The following NBPF14 variants were observed in gnomAD, a reference collection of about 807,000 sequenced individuals.
NBPF14 encodes NBPF family member NBPF14.
A neutral mutation model predicts 91.2 loss-of-function variants in NBPF14; 104 were observed. The observed-to-expected ratio is 1.14, with a 90% confidence interval of 0.97 to 1.34. NBPF14 has a LOEUF of 1.34. Among genes scored for constraint, NBPF14 ranks in the 40% most tolerant of loss-of-function variants. The probability of loss-of-function intolerance (pLI) is 0.00; values close to 1 mark genes in which losing one functional copy is unlikely to be tolerated. For synonymous variants in NBPF14, 294 were observed against 303.8 expected, an observed-to-expected ratio of 0.97 and a Z score of 0.34; for missense variants, 908 against 783.0, an observed-to-expected ratio of 1.16 and a Z score of -1.91.
chr1:148,577,594 C>A (rs1364504463), intron 14 of NBPF14, among the ~76,000 whole-genome samples: 3 of 148,150 alleles, frequency 2.0e-5, no homozygotes, highest in Non-Finnish European at 4.4e-5. Flanking sequence ...ACACACAGAG[C>A]GAGGTCAGTC....
chr1:148,581,861 TA>T lies in NBPF14; in HGVS notation c.1637+1279del, dbSNP rs1323423528. Among the ~76,000 whole-genome samples the T allele has an allele frequency of 7.3e-4, 102 of 140,244 alleles. 1 individual carries two copies. The East Asian group carries it at 0.019, about 26-fold the overall frequency. 92.0% of individuals were successfully genotyped at this position (140,244 alleles called of 152,430 possible). ...ATGTAAATGGGCTAAATGCCCCAGT[TA>T]AAAAACACAGAATGGCAAATTGGAT... is the stretch of plus-strand genomic sequence containing the variant. On this transcript the variant is annotated intron_variant, in intron 12 of 70. Transcript: ENST00000619423.
chr1:148,587,345 C>T (rs1352737803), exon 8 of NBPF14: 1 of 1,583,112 alleles, frequency 6.3e-7, no homozygotes, highest in South Asian at 1.1e-5. Context: ...GCTTCTCCTC[C>T]TTGAACTGTC....
intron 28 of NBPF14, 83 bp from the exon 29 acceptor site, chr1:148,566,398 G>C (rs1392435206): frequency 3.6e-5 from 23 of 640,660 alleles, no homozygotes; most frequent in Admixed American, 2.5e-4. Flanking sequence ...GGGTAGCATA[G>C]GGAAGTGGTT....
At chr1:148,559,626 G>A (rs1185552714) in intron 37 of NBPF14, among the ~76,000 whole-genome samples, 167 bp downstream of exon 37, 1 of 125,148 alleles carries the variant, frequency 8.0e-6, no homozygotes, top group East Asian at 2.4e-4. Context: ...CCCATCCCTT[G>A]TCTGGGCTTC....
In NBPF14 at chr1:148,572,686, A is replaced by G. The variant is rs1269165789; in HGVS notation, c.2586-71T>C. 5.6e-4 allele frequency: 382 copies of G among 684,980 alleles called. 67 individuals carry two copies. In the East Asian group the frequency reaches 9.7e-3, roughly 17 times the overall value. The allele number at this position is 684,980 out of a possible 1,614,324, so 42.4% of individuals were successfully genotyped here. A position where few individuals can be genotyped will look rare whatever the true frequency, so the allele number is the denominator to read the frequency against. On this transcript the variant is annotated intron_variant, in intron 20 of 70. Transcript: ENST00000619423. ...AACCACACAGCCCCAGCTAGATTTCATGGCTAACGTAAGGAAGAGTTTGAA... is the reference window on the plus strand; with the variant it reads ...AACCACACAGCCCCAGCTAGATTTCGTGGCTAACGTAAGGAAGAGTTTGAA...
At chr1:148,533,357 T>C (rs1184515500) in intron 70 of NBPF14, 109 bp from the exon 71 acceptor site, 13 of 521,732 alleles carry the variant, frequency 2.5e-5, no homozygotes, top group African/African-American at 1.6e-4. Flanking sequence ...AGAAAAAGGA[T>C]AGAACCATTA....
intron 69 of NBPF14, among the ~76,000 whole-genome samples, chr1:148,534,458 G>A (rs1486688557): frequency 2.6e-5 from 4 of 151,686 alleles, no homozygotes; most frequent in African/African-American, 4.9e-5. Flanking sequence ...TAGGATCAGG[G>A]CGCCACAGGT....
At chr1:148,538,260 A>C (rs1655365969) in intron 64 of NBPF14, among the ~76,000 whole-genome samples, 1 of 69,342 alleles carries the variant, frequency 1.4e-5, no homozygotes, top group Non-Finnish European at 2.9e-5. Flanking sequence ...AGAGAGAGAG[A>C]ACGAGCTCAG....
chr1:148,576,084 C>T (rs1659660395), intron 16 of NBPF14, among the ~76,000 whole-genome samples: 2 of 143,006 alleles, frequency 1.4e-5, no homozygotes, highest in Non-Finnish European at 1.5e-5. Flanking sequence ...GGTTAAAGGA[C>T]ACTCTGAGTT....
At chr1:148,557,689 G>A (rs1452352921) in intron 39 of NBPF14, 147 bp from the exon 40 acceptor site, 2 of 624,020 alleles carry the variant, frequency 3.2e-6, no homozygotes, top group African/African-American at 2.6e-5. Context: ...AGGCCTGAAA[G>A]CTGGTCATGA....
At chr1:148,560,185 G>C (rs1448461360) in intron 36 of NBPF14, among the ~76,000 whole-genome samples, 1 of 151,356 alleles carries the variant, frequency 6.6e-6, no homozygotes, top group Non-Finnish European at 1.5e-5. Flanking sequence ...CAGAGACAGA[G>C]ACAGAGACAG....
At chr1:148,576,036 G>T (rs1395280567) in intron 16 of NBPF14, among the ~76,000 whole-genome samples, 2 of 147,874 alleles carry the variant, frequency 1.4e-5, no homozygotes, top group African/African-American at 5.0e-5. Context: ...AGGAGAAAGT[G>T]AGCTCAGCGA....
Position 148,559,775 on chromosome 1 carries a change from T to G in NBPF14, c.4729+18A>C. On this transcript the variant is annotated intron_variant, in intron 37 of 70. Transcript: ENST00000619423. ...AAGACTCAGTGGATCCTTATCACCT[T>G]CATAGAAAGGTACTCACCATCCATG... 7.1e-7 allele frequency: 1 copy of G among 1,409,618 alleles called. No homozygotes were observed. Among genetic ancestry groups the G allele is most frequent in the Non-Finnish European group, 9.6e-7 (1 of 1,037,540 alleles). 87.3% of individuals were successfully genotyped at this position (1,409,618 alleles called of 1,614,324 possible).
intron 2 of NBPF14, among the ~76,000 whole-genome samples, chr1:148,595,275 A>G (rs1663129911): frequency 6.8e-6 from 1 of 148,118 alleles, no homozygotes; most frequent in African/African-American, 2.5e-5. Context: ...CCCCTTGGAG[A>G]AAACAGGTCA....
chr1:148,590,009 A>T lies in NBPF14; in HGVS notation c.779-616T>A, dbSNP rs1342477569. Among the ~76,000 whole-genome samples the T allele has an allele frequency of 2.3e-5, 3 of 130,064 alleles. 1 individual carries two copies. The highest frequency in any genetic ancestry group is 2.3e-4 in the Admixed American group (3 of 13,022). 85.3% of individuals were successfully genotyped at this position (130,064 alleles called of 152,430 possible). ...AGCCTCCCAAAGTGCTGGGATTAAG[A>T]TGTGAGCCAGCGCCCCTGGTCAGAG... On this transcript the variant is annotated intron_variant, in intron 6 of 70. Coordinates refer to ENST00000619423, the Ensembl canonical transcript of NBPF14.
chr1:148,533,442 G>C (rs1157485853), intron 70 of NBPF14, among the ~76,000 whole-genome samples, 194 bp from the exon 71 acceptor site: 5 of 150,808 alleles, frequency 3.3e-5, no homozygotes, highest in African/African-American at 9.9e-5. Flanking sequence ...GAAAGAGAAA[G>C]ACAGAGAGAG....
intron 12 of NBPF14, among the ~76,000 whole-genome samples, chr1:148,580,829 TTTA>T (rs1355968670): frequency 1.8e-5 from 2 of 111,742 alleles, no homozygotes; most frequent in Non-Finnish European, 3.8e-5. Context: ...ATAGTTTTCC[TTTA>T]TTATTTTTTG....
At chr1:148,572,462 G>A in exon 21 of NBPF14, 2 of 533,026 alleles carry the variant, frequency 3.8e-6, no homozygotes, top group South Asian at 1.9e-5. Context: ...CAAGAGCCAA[G>A]CCAAGGTACT....
At chr1:148,559,617 C>G (rs1364243510) in intron 37 of NBPF14, among the ~76,000 whole-genome samples, 176 bp downstream of exon 37, 2 of 124,840 alleles carry the variant, frequency 1.6e-5, no homozygotes, top group Admixed American at 1.6e-4. Context: ...GCTCACTGAC[C>G]CATCCCTTGT....
Sources: gnomAD v4.1 joint callset for allele counts (sites outside exome capture counted in the v4.1 genomes callset) on GRCh38, gnomAD v4.1.1 for gene constraint, MANE v1.5 for transcripts, NCBI Gene and HGNC (gene_info 2026-07-23, HGNC 2026-07-21) for gene names.